The following WDFY4 variants were observed in gnomAD, a reference collection of about 807,000 sequenced individuals.
WDFY4 encodes the protein WDFY family member 4.
Under a neutral mutation model 351.9 loss-of-function variants are expected in WDFY4, and 169 were observed. The ratio of observed to expected loss-of-function variants is 0.48; its 90% CI spans 0.42 to 0.55. The LOEUF is 0.55. Ranked by LOEUF, WDFY4 falls within the 20% of genes least tolerant of loss-of-function variation. The pLI is 0.00. For synonymous variants in WDFY4, 1,622 were observed against 1,574.6 expected (o/e 1.03, Z -0.71); for missense variants, 3,803 against 3,935.6 (o/e 0.97, Z 0.90).
chr10:48,743,431 G>A lies in WDFY4; in HGVS notation c.2342G>A (p.Arg781His), dbSNP rs755514093. The A allele has an allele frequency of 2.6e-5, 40 of 1,551,168 alleles. No individual in the cohort carries two copies. Among genetic ancestry groups the A allele is most frequent in the Admixed American group, 1.4e-4 (7 of 51,002 alleles). Residue 781 changes from arginine to histidine, a missense_variant, in exon 12 of 62, where the codon CGT becomes CAT. Arg to His is a conservative substitution (Grantham distance 29, BLOSUM62 0). Around this residue, in one of 3 missense-constraint regions of WDFY4, gnomAD observed 3,054 missense variants for 3,148.6 expected, o/e 0.97. Transcript: ENST00000325239. Reference sequence around the variant, plus strand: ...ATGGCCAGCGGCACCCTCCACTTGCGTGGGGACCTGAAGGAGTCCCTGAGG... The same window carrying A: ...ATGGCCAGCGGCACCCTCCACTTGCATGGGGACCTGAAGGAGTCCCTGAGG... ...DSMASGTLHLRGDLKESLRTK... is the reference protein window; with the variant it reads ...DSMASGTLHLHGDLKESLRTK...
Position 48,721,142 on chromosome 10 carries a change from A to C in WDFY4, c.350-119A>C, listed in dbSNP as rs558253696. 2.1e-5 allele frequency: 19 copies of C among 926,350 alleles called. No individual in the cohort carries two copies. The South Asian group carries it at 2.6e-4, about 13-fold the overall frequency. 57.4% of individuals were successfully genotyped at this position (926,350 alleles called of 1,614,324 possible). The stretch of plus-strand genomic sequence containing the variant: ...CAGGTGGCCTTGGGGATGTGTAGGC[A>C]AGATGCCAAAGTCCTCTACAGATGC... On this transcript the variant is annotated intron_variant, in intron 3 of 61. Coordinates refer to ENST00000325239, the MANE Select transcript of WDFY4 (RefSeq NM_001394531.1).
At chr10:48,858,497 A>G (rs1423739262) in intron 39 of WDFY4, among the ~76,000 whole-genome samples, 1 of 152,170 alleles carries the variant, frequency 6.6e-6, no homozygotes, top group Admixed American at 6.5e-5. Flanking sequence ...AACTTTGTCA[A>G]AAATTAGTTG....
intron 47 of WDFY4, among the ~76,000 whole-genome samples, chr10:48,911,103 A>T (rs1245387204): frequency 2.0e-5 from 3 of 152,330 alleles, no homozygotes; most frequent in African/African-American, 2.4e-5. Flanking sequence ...GAAATAGCAG[A>T]TTGGCTCCCT....
chr10:48,877,142 C>T lies in WDFY4; in HGVS notation c.7110C>T (p.Phe2370=). 1 of 1,551,674 alleles carries T rather than the reference C, an allele frequency of 6.4e-7. No homozygotes were observed. Among genetic ancestry groups the T allele is most frequent in the Non-Finnish European group, 8.7e-7 (1 of 1,146,936 alleles). ...ALHESLHSED[F]LELCRERQVI... ...ACGAAAGTCTGCACTCAGAAGACTT[C>T]TTGGAACTGTGTCGGGAAAGACAAG... Residue 2370 remains phenylalanine (F), a synonymous_variant, in exon 43 of 62, where the codon TTC becomes TTT. Coordinates refer to ENST00000325239, the MANE Select transcript of WDFY4 (RefSeq NM_001394531.1).
At chr10:48,946,723 A>C (rs2663066) in intron 50 of WDFY4, 137 bp from the exon 51 acceptor site, 1 of 653,498 alleles carries the variant, frequency 1.5e-6, no homozygotes, top group Non-Finnish European at 2.6e-6. Context: ...TGAATGTTTT[A>C]CTTTAGGTCT....
intron 23 of WDFY4, among the ~76,000 whole-genome samples, chr10:48,791,877 C>T (rs1433833855): frequency 6.6e-6 from 1 of 152,210 alleles, no homozygotes; most frequent in Non-Finnish European, 1.5e-5. Context: ...GTCTGGACTA[C>T]TGCCACAGCT....
chr10:48,877,261 A>G, intron 43 of WDFY4, 62 bp downstream of exon 43: 1 of 1,483,572 alleles, frequency 6.7e-7, no homozygotes, highest in Non-Finnish European at 9.1e-7. Context: ...ATTGTCAGAC[A>G]GGAGAAAACC....
At chr10:48,688,242 T>A (rs1589385525) in intron 1 of WDFY4, among the ~76,000 whole-genome samples, 1 of 152,230 alleles carries the variant, frequency 6.6e-6, no homozygotes, top group Non-Finnish European at 1.5e-5. Flanking sequence ...TAAATTTCGG[T>A]ATCTGGAAAG....
intron 38 of WDFY4, 64 bp downstream of exon 38, chr10:48,830,949 A>C (rs772988919): frequency 6.7e-6 from 10 of 1,500,240 alleles, no homozygotes; most frequent in Non-Finnish European, 7.2e-6. Context: ...GACTCCCGCA[A>C]GGTTCAACTC....
At position 48,774,653 on chromosome 10, in the gene WDFY4, A is replaced by G; in HGVS notation, c.2749A>G (p.Ile917Val). 3 of 1,551,734 alleles carry G rather than the reference A, an allele frequency of 1.9e-6. No individual in the cohort carries two copies. The highest frequency in any genetic ancestry group is 2.6e-6 in the Non-Finnish European group (3 of 1,147,000). The stretch of plus-strand genomic sequence containing the variant: ...CTTTGAGAAGCTCGCTTCCCAGGCC[A>G]TTGAACCGGATGTGCTAAGGTACCA... ...RIFEKLASQA[I>V]EPDVLRQFLG... The change falls in exon 14 of 62, where the codon ATT becomes GTT. Residue 917 changes from isoleucine to valine, a missense_variant. Ile to Val is a conservative substitution (Grantham distance 29, BLOSUM62 3). Coordinates refer to ENST00000325239, the MANE Select transcript of WDFY4 (RefSeq NM_001394531.1).
At chr10:48,892,486 T>A (rs1836861882) in intron 44 of WDFY4, among the ~76,000 whole-genome samples, 1 of 152,194 alleles carries the variant, frequency 6.6e-6, no homozygotes, top group South Asian at 2.1e-4. Context: ...ATAGTTTTAG[T>A]CACCATACCT....
chr10:48,769,442 A>G (rs1315323774), intron 13 of WDFY4, among the ~76,000 whole-genome samples: 1 of 152,232 alleles, frequency 6.6e-6, no homozygotes, highest in East Asian at 1.9e-4. Context: ...GTCTTTTGAT[A>G]AAGAGCTTAA....
chr10:48,731,594 G>T, intron 9 of WDFY4, 32 bp downstream of exon 9: 1 of 1,535,564 alleles, frequency 6.5e-7, no homozygotes. Context: ...GGGATGGGCA[G>T]GGGTCAGTGT....
Position 48,788,562 on chromosome 10 carries a change from G to A in WDFY4, c.3841G>A (p.Val1281Ile), listed in dbSNP as rs1402545183. ...CCTGGACAGTGAAGCCACGCCCTTT[G>A]TTGCAGAAGAAAGAGTTTCTTTTGG... ...EDLDSEATPF[V>I]AEERVSFGLH... Residue 1281 changes from valine (V) to isoleucine (I), a missense_variant, in exon 21 of 62, where the codon GTT becomes ATT. Transcript: ENST00000325239. The A allele has an allele frequency of 2.4e-5, 38 of 1,551,964 alleles. No individual in the cohort carries two copies. The highest frequency in any genetic ancestry group is 3.3e-5 in the Non-Finnish European group (38 of 1,147,064).
chr10:48,736,202 A>G (rs1022741564), intron 11 of WDFY4, 132 bp downstream of exon 11: 45 of 1,040,684 alleles, frequency 4.3e-5, no homozygotes, highest in Non-Finnish European at 5.8e-5. Context: ...TGTATTAGGT[A>G]GCGTCAGGTG....
chr10:48,916,768 C>T (rs939031689), intron 47 of WDFY4, among the ~76,000 whole-genome samples: 10 of 152,188 alleles, frequency 6.6e-5, no homozygotes, highest in Middle Eastern at 3.4e-3. Flanking sequence ...GAGGTGATTT[C>T]TTCATTGTGT....
intron 12 of WDFY4, among the ~76,000 whole-genome samples, chr10:48,751,658 G>A (rs946615417): frequency 1.3e-5 from 2 of 152,152 alleles, no homozygotes; most frequent in Admixed American, 6.5e-5. Context: ...AAATGAGGCC[G>A]CTTTGCTTTT....
intron 4 of WDFY4, among the ~76,000 whole-genome samples, chr10:48,722,974 G>A (rs912782984): frequency 6.6e-6 from 1 of 152,124 alleles, no homozygotes; most frequent in Non-Finnish European, 1.5e-5. Flanking sequence ...GGTTGGGGAG[G>A]GGCCTGATCA....
chr10:48,959,177 G>A (rs1472159444), intron 52 of WDFY4, among the ~76,000 whole-genome samples: 2 of 152,174 alleles, frequency 1.3e-5, no homozygotes, highest in Non-Finnish European at 2.9e-5. Flanking sequence ...GTTGAGTCCA[G>A]CCTCCTCATT....
Sources: allele counts gnomAD v4.1 joint callset (sites outside exome capture counted in the v4.1 genomes callset), GRCh38; gene constraint gnomAD v4.1.1; regional missense constraint gnomAD v4.1.1; transcripts MANE v1.5; gene names NCBI Gene and HGNC (gene_info 2026-07-23, HGNC 2026-07-21).